The following UBE4B variants were observed in gnomAD, a reference collection of about 807,000 sequenced individuals.
The protein encoded by UBE4B is ubiquitination factor E4B, also known as ubiquitin conjugation factor E4 B.
In UBE4B, 27 loss-of-function variants were observed where a neutral mutation model predicts 148.1. The ratio of observed to expected loss-of-function variants is 0.18; its 90% CI spans 0.13 to 0.25. The LOEUF (loss-of-function observed/expected upper bound fraction) is 0.25, where lower values mean the gene tolerates loss of function less well. Among genes scored for constraint, UBE4B ranks in the 10% least tolerant of loss-of-function variants. The probability of loss-of-function intolerance (pLI) is 1.00; values close to 1 mark genes in which losing one functional copy is unlikely to be tolerated. For synonymous variants in UBE4B, 596 were observed against 619.3 expected (o/e 0.96, Z 0.56); for missense variants, 1,170 against 1,662.4 (o/e 0.70, Z 5.15).
intron 11 of UBE4B, among the ~76,000 whole-genome samples, chr1:10,127,403 G>C (rs1264081571): frequency 6.6e-6 from 1 of 152,156 alleles, no homozygotes; most frequent in East Asian, 1.9e-4. Context: ...CTTAGAGCAG[G>C]CATACATTGT....
chr1:10,145,176 A>G (rs74375613), intron 18 of UBE4B, 137 bp downstream of exon 18: 1 of 606,438 alleles, frequency 1.6e-6, no homozygotes, highest in Admixed American at 3.2e-5. Context: ...AAAATAGTAT[A>G]TTTTAAAACT....
Position 10,072,385 on chromosome 1 carries a change from T to A in UBE4B, c.211+171T>A, listed in dbSNP as rs988177118. 7.4e-6 allele frequency: 6 copies of A among 809,784 alleles called. No individual in the cohort carries two copies. In the African/African-American group the frequency reaches 1.1e-4, roughly 14 times the overall value. The allele number at this position is 809,784 out of a possible 1,614,324, so 50.2% of individuals were successfully genotyped here. ...GCAATGTGTTGTGTTATCGCTTTTT[T>A]TTTTATTGCAATCTGTTAAACCAAT... On this transcript the variant is annotated intron_variant, in intron 2 of 27. Coordinates refer to ENST00000343090, the MANE Select transcript of UBE4B (RefSeq NM_001105562.3).
chr1:10,086,718 A>G (rs1644771864), intron 2 of UBE4B, among the ~76,000 whole-genome samples: 1 of 150,950 alleles, frequency 6.6e-6, no homozygotes, highest in Non-Finnish European at 1.5e-5. Context: ...TTTTTTTGAG[A>G]TGTAGTCTCA....
At chr1:10,052,503 C>T (rs1418265251) in intron 1 of UBE4B, among the ~76,000 whole-genome samples, 1 of 152,198 alleles carries the variant, frequency 6.6e-6, no homozygotes, top group Admixed American at 6.5e-5. Context: ...AGGCACTCCT[C>T]AGGAATCATG....
intron 3 of UBE4B, among the ~76,000 whole-genome samples, chr1:10,099,312 T>G (rs993423608): frequency 1.3e-5 from 2 of 152,144 alleles, no homozygotes; most frequent in Non-Finnish European, 2.9e-5. Context: ...GAAGTGTATA[T>G]TTAAAATCAG....
intron 17 of UBE4B, 115 bp from the exon 18 acceptor site, chr1:10,144,825 A>G: frequency 3.1e-6 from 2 of 638,772 alleles, no homozygotes; most frequent in Non-Finnish European, 5.4e-6. Flanking sequence ...GATTTTAAAG[A>G]TGTTACAATG....
intron 11 of UBE4B, chr1:10,128,280 A>G (rs1030519745): frequency 6.6e-6 from 1 of 152,258 alleles, no homozygotes; most frequent in South Asian, 2.1e-4. Flanking sequence ...TTCAAAAGAC[A>G]GAGGCCTCCA....
At chr1:10,122,437 C>T (rs1645426328) in intron 10 of UBE4B, among the ~76,000 whole-genome samples, 1 of 152,180 alleles carries the variant, frequency 6.6e-6, no homozygotes, top group Non-Finnish European at 1.5e-5. Context: ...GTCAAAAATT[C>T]ATTCTCTGAG....
intron 23 of UBE4B, among the ~76,000 whole-genome samples, chr1:10,164,801 T>G (rs1479288239): frequency 6.6e-6 from 1 of 152,126 alleles, no homozygotes. Context: ...TCAATTTCTT[T>G]CCCACTCATG....
intron 3 of UBE4B, among the ~76,000 whole-genome samples, chr1:10,097,159 A>G (rs1054904636): frequency 6.6e-6 from 1 of 152,228 alleles, no homozygotes; most frequent in South Asian, 2.1e-4. Context: ...AGCTGAAGAA[A>G]GAATTGACAA....
At chr1:10,086,379 T>C (rs1644767482) in intron 2 of UBE4B, among the ~76,000 whole-genome samples, 1 of 152,040 alleles carries the variant, frequency 6.6e-6, no homozygotes, top group Non-Finnish European at 1.5e-5. Flanking sequence ...AAGTGTTCAG[T>C]GACTATTAAA....
At chr1:10,175,776 G>C (rs1419590846) in intron 25 of UBE4B, among the ~76,000 whole-genome samples, 5 of 152,198 alleles carry the variant, frequency 3.3e-5, no homozygotes, top group Admixed American at 3.3e-4. Context: ...ACCAGAATAT[G>C]AGTCTGCGTC....
At chr1:10,170,233 G>C (rs1646318734) in intron 24 of UBE4B, among the ~76,000 whole-genome samples, 3 of 152,112 alleles carry the variant, frequency 2.0e-5, no homozygotes, top group Admixed American at 2.0e-4. Context: ...GACTAGCTCA[G>C]ATCTCTCCTA....
At chr1:10,052,605 G>A (rs181523675) in intron 1 of UBE4B, among the ~76,000 whole-genome samples, 32 of 152,292 alleles carry the variant, frequency 2.1e-4, no homozygotes, top group South Asian at 1.4e-3. Flanking sequence ...GGTGCCCCAC[G>A]CTTGGTTTAA....
At chr1:10,113,715 G>A (rs527831944) in intron 7 of UBE4B, among the ~76,000 whole-genome samples, 2 of 152,108 alleles carry the variant, frequency 1.3e-5, no homozygotes, top group African/African-American at 4.8e-5. Flanking sequence ...ATGCTGGCTG[G>A]GGGTGCTGCA....
intron 1 of UBE4B, among the ~76,000 whole-genome samples, chr1:10,043,630 G>A (rs528432999): frequency 1.2e-4 from 18 of 151,454 alleles, no homozygotes; most frequent in East Asian, 7.8e-4. Context: ...GGGTTTCACC[G>A]TGTTAGCCAG....
chr1:10,088,917 G>A (rs1362725806), intron 2 of UBE4B, among the ~76,000 whole-genome samples: 3 of 152,130 alleles, frequency 2.0e-5, no homozygotes, highest in African/African-American at 4.8e-5. Context: ...GGGCTCAAGC[G>A]ATCCTCCCAC....
chr1:10,143,908 G>A (rs1341640182), intron 17 of UBE4B, among the ~76,000 whole-genome samples: 1 of 152,160 alleles, frequency 6.6e-6, no homozygotes, highest in Admixed American at 6.6e-5. Context: ...ATGCAATCAC[G>A]CAGTCACTTC....
rs377645162 is a variant in UBE4B, at chr1:10,178,833, C to T, written c.3700+15C>T. Reference sequence around the variant, plus strand: ...TGAGTTCAGAGGCAAGTGGACTCGTCGTTTTCATGCTGATTTCTTTTGAGT... The same window carrying T: ...TGAGTTCAGAGGCAAGTGGACTCGTTGTTTTCATGCTGATTTCTTTTGAGT... On this transcript the variant is annotated intron_variant, in intron 26 of 27. Transcript: ENST00000343090. The T allele has an allele frequency of 4.5e-5, 70 of 1,564,988 alleles. No homozygotes were observed. The highest frequency in any genetic ancestry group is 5.7e-5 in the Non-Finnish European group (66 of 1,158,570).
Sources: gnomAD v4.1 joint callset for allele counts (sites outside exome capture counted in the v4.1 genomes callset) on GRCh38, gnomAD v4.1.1 for gene constraint, MANE v1.5 for transcripts, NCBI Gene and HGNC (gene_info 2026-07-23, HGNC 2026-07-21) for gene names.